The following PLCE1 variants were observed in gnomAD, a reference collection of about 807,000 sequenced individuals.
PLCE1 encodes the protein phospholipase C epsilon 1, also known as 1-phosphatidylinositol 4,5-bisphosphate phosphodiesterase epsilon-1.
In PLCE1, 119 loss-of-function variants were observed where a neutral mutation model predicts 242.8. That is an observed-to-expected ratio of 0.49 (90% CI 0.42 to 0.57). The LOEUF is 0.57. Ranked by LOEUF, PLCE1 falls within the 20% of genes least tolerant of loss-of-function variation. PLCE1 has a pLI of 0.00. For missense variants in PLCE1, 2,441 were observed against 2,788.8 expected (o/e 0.88, Z 2.81); for synonymous variants, 945 against 1,017.4 (o/e 0.93, Z 1.35).
At chr10:94,005,547 A>G (rs867372827) in intron 1 of PLCE1, among the ~76,000 whole-genome samples, 76 of 152,252 alleles carry the variant, frequency 5.0e-4, no homozygotes, top group African/African-American at 1.7e-3. Flanking sequence ...AAGGACTTCC[A>G]CCTCTGTGAG....
chr10:94,280,184 G>A (rs1160707978), intron 20 of PLCE1: 1 of 485,508 alleles, frequency 2.1e-6, no homozygotes, highest in African/African-American at 2.0e-5. Context: ...TTGCAGCAGA[G>A]AAACCCTGTT....
chr10:94,156,904 A>G (rs540598890), intron 3 of PLCE1, among the ~76,000 whole-genome samples: 2 of 152,182 alleles, frequency 1.3e-5, no homozygotes, highest in Non-Finnish European at 2.9e-5. Context: ...CTATGTCAGG[A>G]ACTGGGAGCA....
chr10:94,316,887 T>A (rs1219815594), intron 29 of PLCE1, 131 bp downstream of exon 29: 1 of 720,258 alleles, frequency 1.4e-6, no homozygotes, highest in Non-Finnish European at 2.5e-6. Context: ...TAAGTAAATG[T>A]GGATGAACAG....
At chr10:94,221,748 A>C (rs1182616234) in intron 4 of PLCE1, among the ~76,000 whole-genome samples, 1 of 152,188 alleles carries the variant, frequency 6.6e-6, no homozygotes, top group African/African-American at 2.4e-5. Context: ...AAAAAGAAGA[A>C]GAAGAAGAAG....
chr10:94,254,149 GA>G, intron 9 of PLCE1, 40 bp from the exon 10 acceptor site: 2 of 1,429,914 alleles, frequency 1.4e-6, no homozygotes, highest in Non-Finnish European at 2.0e-6. Context: ...TGATGGGAGA[GA>G]AATACAGGCT....
chr10:94,221,048 C>T (rs914706467), intron 4 of PLCE1, among the ~76,000 whole-genome samples: 1 of 152,172 alleles, frequency 6.6e-6, no homozygotes, highest in Admixed American at 6.5e-5. Flanking sequence ...ACAGAAATGA[C>T]GCCTGATCTG....
Position 93,996,114 on chromosome 10 carries a change from CGTGT to C in PLCE1, c.-365+1872_-365+1875del, listed in dbSNP as rs10538788. Among the ~76,000 whole-genome samples the C allele has an allele frequency of 2.9e-4, 44 of 151,202 alleles. 1 individual carries two copies. The highest frequency in any genetic ancestry group is 7.0e-4 in the African/African-American group (29 of 41,294). On this transcript the variant is annotated intron_variant, in intron 1 of 32. Transcript: ENST00000371380. ...TTTGCACAGAGTGAGGCTTGCTGCA[CGTGT>C]GTGTGTGTGTGTGTGCGCGCGCGTG...
intron 2 of PLCE1, among the ~76,000 whole-genome samples, chr10:94,052,409 C>T (rs1036738841): frequency 2.0e-5 from 3 of 152,172 alleles, no homozygotes; most frequent in African/African-American, 7.2e-5. Flanking sequence ...CTGGGGAAGA[C>T]AGTAGAGGTG....
intron 20 of PLCE1, chr10:94,280,471 C>G (rs1203861545): frequency 6.4e-5 from 10 of 157,292 alleles, no homozygotes; most frequent in African/African-American, 2.2e-4. Flanking sequence ...CACAAAAAGT[C>G]ACACGAATGA....
intron 3 of PLCE1, among the ~76,000 whole-genome samples, chr10:94,165,782 A>G (rs1408486526): frequency 6.6e-6 from 1 of 151,588 alleles, no homozygotes; most frequent in East Asian, 1.9e-4. Context: ...ATCTCAGCTC[A>G]TTGCAACCTC....
intron 4 of PLCE1, among the ~76,000 whole-genome samples, chr10:94,179,511 A>ATTTTTTTTTTTTTTTTTTT (rs1564761610): frequency 3.2e-4 from 4 of 12,398 alleles, no homozygotes; most frequent in Non-Finnish European, 4.7e-4. Context: ...ATTTTAGTTT[A>ATTTTTTTTTTTTTTTTTTT]GTTTTTTTTT....
intron 2 of PLCE1, among the ~76,000 whole-genome samples, chr10:94,119,974 G>A (rs77343188): frequency 0.013 from 1,966 of 152,296 alleles, 22 homozygotes; most frequent in Non-Finnish European, 0.022. Context: ...TTGAATGTCA[G>A]TCCAAGCTTC....
At chr10:94,094,767 C>G (rs2045237155) in intron 2 of PLCE1, 1 of 152,134 alleles carries the variant, frequency 6.6e-6, no homozygotes, top group Non-Finnish European at 1.5e-5. Flanking sequence ...AGAGGCTGTG[C>G]TCATGCACGT....
chr10:94,062,163 G>A (rs1039535384), intron 2 of PLCE1, among the ~76,000 whole-genome samples: 2 of 152,216 alleles, frequency 1.3e-5, no homozygotes, highest in Non-Finnish European at 2.9e-5. Flanking sequence ...AAAACTGTTG[G>A]TACTGGACTC....
rs1296701177 is a variant in PLCE1, at chr10:94,313,266, GAAGA to G, written c.6023_6026del (p.Arg2008AsnfsTer38). The G allele has an allele frequency of 6.2e-7, 1 of 1,613,938 alleles. No individual in the cohort carries two copies. The highest frequency in any genetic ancestry group is 8.5e-7 in the Non-Finnish European group (1 of 1,179,958). On this transcript the variant is annotated frameshift_variant, in exon 28 of 33. Coordinates refer to ENST00000371380, the MANE Select transcript of PLCE1 (RefSeq NM_016341.4). LOFTEE classifies it high-confidence loss of function. ...ATCTTCTTGACAGATGTTTAATACAGAAGAAAGAAAATGTTTGCAGACTCACAGA... is the reference window on the plus strand; with the variant it reads ...ATCTTCTTGACAGATGTTTAATACAGAAGAAAATGTTTGCAGACTCACAGA...
chr10:94,313,787 A>G (rs1201573151), intron 28 of PLCE1, among the ~76,000 whole-genome samples: 1 of 152,156 alleles, frequency 6.6e-6, no homozygotes, highest in Admixed American at 6.5e-5. Flanking sequence ...CATTAGGTGA[A>G]TGGAATCTTC....
chr10:94,220,376 TTATATATATATA>T lies in PLCE1; in HGVS notation c.1810-6898_1810-6887del, dbSNP rs59633337. ...AATAAAAGCTTAAAAACTAAACATT[TTATATATATATA>T]TATATATATATATATATATATATAT... On this transcript the variant is annotated intron_variant, in intron 4 of 32. Coordinates refer to ENST00000371380, the MANE Select transcript of PLCE1 (RefSeq NM_016341.4). Among the ~76,000 whole-genome samples, 592 of 61,860 alleles carry T rather than the reference TTATATATATATA, an allele frequency of 9.6e-3. 9 individuals are homozygous for T. The highest frequency in any genetic ancestry group is 0.031 in the East Asian group (21 of 676). 40.6% of individuals were successfully genotyped at this position (61,860 alleles called of 152,430 possible).
Position 94,288,955 on chromosome 10 carries a change from CA to C in PLCE1, c.5035+3991del, listed in dbSNP as rs2052555063. Among the ~76,000 whole-genome samples, 2 of 151,988 alleles carry C rather than the reference CA, an allele frequency of 1.3e-5. 1 individual carries two copies. The highest frequency in any genetic ancestry group is 2.9e-5 in the Non-Finnish European group (2 of 67,968). On this transcript the variant is annotated intron_variant, in intron 22 of 32. Coordinates refer to ENST00000371380, the MANE Select transcript of PLCE1 (RefSeq NM_016341.4). The stretch of plus-strand genomic sequence containing the variant: ...GGGCTAGCTGGGTGTAGGTCCCTGG[CA>C]CTGAGAGTTGCCTCCCCCACAGAGA...
intron 2 of PLCE1, among the ~76,000 whole-genome samples, chr10:94,058,483 G>A (rs1182897632): frequency 6.6e-6 from 1 of 152,162 alleles, no homozygotes; most frequent in East Asian, 1.9e-4. Flanking sequence ...AAAAGTCATA[G>A]GCATATGAAA....
Sources: allele counts gnomAD v4.1 joint callset (sites outside exome capture counted in the v4.1 genomes callset), GRCh38; gene constraint gnomAD v4.1.1; transcripts MANE v1.5; gene names NCBI Gene and HGNC (gene_info 2026-07-23, HGNC 2026-07-21).